IQSEC1: variants seen among roughly 807,000 people sequenced by gnomAD.
IQSEC1 encodes the protein IQ motif and Sec7 domain ArfGEF 1.
In IQSEC1, 31 loss-of-function variants were observed where a neutral mutation model predicts 91.0. That is an observed-to-expected ratio of 0.34 (90% CI 0.26 to 0.46). The LOEUF (loss-of-function observed/expected upper bound fraction) is 0.46. Ranked by LOEUF, IQSEC1 falls within the 20% of genes least tolerant of loss-of-function variation. The probability of loss-of-function intolerance (pLI) is 1.00; values close to 1 mark genes in which losing one functional copy is unlikely to be tolerated. For synonymous variants in IQSEC1, 699 were observed against 662.6 expected (o/e 1.05, Z -0.84); for missense variants, 1,388 against 1,575.6 (o/e 0.88, Z 2.02).
At chr3:12,907,311 G>A (rs529454413) in intron 12 of IQSEC1, among the ~76,000 whole-genome samples, 1 of 152,240 alleles carries the variant, frequency 6.6e-6, no homozygotes, top group Non-Finnish European at 1.5e-5. Context: ...GGGGAGGCAA[G>A]GCTGCTGACG....
At chr3:12,976,372 C>T (rs866187470) in intron 1 of IQSEC1, among the ~76,000 whole-genome samples, 5 of 152,202 alleles carry the variant, frequency 3.3e-5, no homozygotes, top group Non-Finnish European at 7.4e-5. Context: ...ACCTCTTCCC[C>T]GGCTGCCTGC....
intron 1 of IQSEC1, chr3:13,015,461 T>A (rs1452807213): frequency 3.3e-6 from 2 of 611,424 alleles, no homozygotes; most frequent in Non-Finnish European, 4.1e-6. Flanking sequence ...CAGTGAAAAC[T>A]CTGACGACAG....
At chr3:13,059,850 G>C (rs992874853) in intron 1 of IQSEC1, among the ~76,000 whole-genome samples, 11 of 152,078 alleles carry the variant, frequency 7.2e-5, no homozygotes, top group Admixed American at 5.9e-4. Context: ...TGTTGGTCCA[G>C]GGATGACTTT....
intron 1 of IQSEC1, among the ~76,000 whole-genome samples, chr3:12,985,490 TCC>T (rs58897746): frequency 0.024 from 3,428 of 143,260 alleles, 115 homozygotes; most frequent in African/African-American, 0.071. Flanking sequence ...TGCTTAACAA[TCC>T]CCCCCCCCCC....
chr3:13,104,422 C>T (rs1706111433), intron 2 of IQSEC1, among the ~76,000 whole-genome samples: 1 of 152,116 alleles, frequency 6.6e-6, no homozygotes, highest in Non-Finnish European at 1.5e-5. Flanking sequence ...TTCACCCATC[C>T]CTTACATTTC....
chr3:13,186,815 G>C (rs1286116728), intron 1 of IQSEC1, among the ~76,000 whole-genome samples: 1 of 152,134 alleles, frequency 6.6e-6, no homozygotes, highest in Non-Finnish European at 1.5e-5. Flanking sequence ...AGGGACTCAG[G>C]CTCAGCTGGA....
intron 1 of IQSEC1, among the ~76,000 whole-genome samples, chr3:13,275,980 AG>A (rs1305035803): frequency 2.0e-5 from 3 of 151,624 alleles, no homozygotes; most frequent in Non-Finnish European, 2.9e-5. Flanking sequence ...TGCAGAATCC[AG>A]GGGGACAGTG....
At chr3:13,054,413 C>A (rs1704802859) in intron 1 of IQSEC1, among the ~76,000 whole-genome samples, 2 of 152,222 alleles carry the variant, frequency 1.3e-5, no homozygotes, top group Non-Finnish European at 2.9e-5. Context: ...AGTGGGCACC[C>A]TTCTACCCTG....
At chr3:13,084,546 G>T (rs572669610) in intron 2 of IQSEC1, among the ~76,000 whole-genome samples, 15 of 152,354 alleles carry the variant, frequency 9.8e-5, no homozygotes, top group African/African-American at 3.6e-4. Context: ...ACGGACATCA[G>T]ATGATGACGG....
In IQSEC1 at chr3:12,935,746, G is replaced by A. The variant is rs535113723; in HGVS notation, c.1270C>T (p.Arg424Trp). 48 of 1,610,054 alleles carry A rather than the reference G, an allele frequency of 3.0e-5. No individual in the cohort carries two copies. Among genetic ancestry groups the A allele is most frequent in the Middle Eastern group, 3.4e-4 (2 of 5,958 alleles). Residue 424 changes from arginine to tryptophan, a missense_variant, in exon 3 of 14, where the codon CGG becomes TGG. Transcript: ENST00000613206. This position sits in a 1 kb window ranked among gnomAD's most constrained non-coding sequence, Gnocchi z 8.0. ...TCCAGGGGCCTGGGGGGCCGGGGCC[G>A]CAACTCAGGCTCCTCCCGGGGGAGG... ...KSLPREEPELRPRPPRPLDSH... is the reference protein window; with the variant it reads ...KSLPREEPELWPRPPRPLDSH...
rs1694167644 is a variant in IQSEC1, at chr3:12,900,725, CTGA to C, written c.*255_*257del. On this transcript the variant is annotated 3_prime_UTR_variant, in exon 14 of 14. Transcript: ENST00000613206. ...ACTTGGCTGGCTCACCGTTTCAAGG[CTGA>C]TGGTGTCTGAGGCCCACCCATCCCT... The C allele has an allele frequency of 1.4e-6, 2 of 1,404,234 alleles. No individual in the cohort carries two copies. Among genetic ancestry groups the C allele is most frequent in the African/African-American group, 2.9e-5 (2 of 68,988 alleles). 87.0% of individuals were successfully genotyped at this position (1,404,234 alleles called of 1,614,324 possible). A position where few individuals can be genotyped will look rare whatever the true frequency, so the allele number is the denominator to read the frequency against.
chr3:13,185,837 A>C (rs894492797), intron 1 of IQSEC1, among the ~76,000 whole-genome samples: 7 of 152,224 alleles, frequency 4.6e-5, no homozygotes, highest in Non-Finnish European at 8.8e-5. Context: ...CTTCGGTGTG[A>C]TCCATCCTGG....
At chr3:13,028,381 G>C (rs948045972) in intron 1 of IQSEC1, among the ~76,000 whole-genome samples, 87 of 152,340 alleles carry the variant, frequency 5.7e-4, no homozygotes, top group Middle Eastern at 3.4e-3. Flanking sequence ...GCTGGGCCAG[G>C]CTAGGCCGGC....
At chr3:12,998,415 G>A (rs942443569) in intron 1 of IQSEC1, among the ~76,000 whole-genome samples, 5 of 152,152 alleles carry the variant, frequency 3.3e-5, no homozygotes, top group African/African-American at 7.2e-5. Context: ...TACATGGACT[G>A]ATATGATAAG....
rs1706097176 is a variant in IQSEC1 at position 13,103,501 on chromosome 3, T to A, written c.303-55979A>T. Among the ~76,000 whole-genome samples, 1 of 151,856 alleles carries A rather than the reference T, an allele frequency of 6.6e-6. No individual in the cohort carries two copies. The highest frequency in any genetic ancestry group is 2.4e-5 in the African/African-American group (1 of 41,318). On this transcript the variant is annotated intron_variant, in intron 2 of 15. Coordinates refer to the IQSEC1 transcript ENST00000648114. This position sits in a 1 kb window ranked among gnomAD's most constrained non-coding sequence, Gnocchi z 4.1. ...AGCTGGCCGTGCTGCCTGGATGCCA[T>A]CCACACCTGTCCCCGAGGAAGGGGC...
At chr3:13,277,904 C>T (rs906529963) in intron 1 of IQSEC1, among the ~76,000 whole-genome samples, 14 of 152,122 alleles carry the variant, frequency 9.2e-5, no homozygotes, top group African/African-American at 2.4e-4. Flanking sequence ...TGGTGCTTCC[C>T]GGCCACTTTG....
At chr3:12,913,984 T>C (rs1695820723) in intron 8 of IQSEC1, among the ~76,000 whole-genome samples, 1 of 152,166 alleles carries the variant, frequency 6.6e-6, no homozygotes, top group Admixed American at 6.5e-5. Context: ...GAATCTGCTC[T>C]AGATGAGGAA....
At chr3:13,281,154 T>G (rs1173376918) in intron 1 of IQSEC1, among the ~76,000 whole-genome samples, 2 of 152,198 alleles carry the variant, frequency 1.3e-5, no homozygotes, top group African/African-American at 2.4e-5. Flanking sequence ...CCTGCCCTGG[T>G]GCCGCCTCCC....
chr3:13,082,454 G>T (rs1705661090), intron 2 of IQSEC1, among the ~76,000 whole-genome samples: 1 of 152,214 alleles, frequency 6.6e-6, no homozygotes, highest in Admixed American at 6.5e-5. Flanking sequence ...AGTGAGACCA[G>T]CCTCTCAGCT....
Sources: allele counts gnomAD v4.1 joint callset (sites outside exome capture counted in the v4.1 genomes callset), GRCh38; gene constraint gnomAD v4.1.1; non-coding constraint Gnocchi (gnomAD v3.1); transcripts MANE v1.5; gene names NCBI Gene and HGNC (gene_info 2026-07-23, HGNC 2026-07-21).